RUBCN: variants seen among roughly 807,000 people sequenced by gnomAD.
RUBCN encodes the protein rubicon autophagy regulator.
A neutral mutation model predicts 113.2 loss-of-function variants in RUBCN; 74 were observed. The observed-to-expected ratio is 0.65, with a 90% CI of 0.54 to 0.79. RUBCN has a LOEUF of 0.79. RUBCN is among the 30% of genes least tolerant of loss of function. RUBCN has a pLI of 0.00. For missense variants in RUBCN, 1,109 were observed against 1,251.7 expected (o/e 0.89, Z 1.72); for synonymous variants, 480 against 490.0 (o/e 0.98, Z 0.27).
intron 1 of RUBCN, among the ~76,000 whole-genome samples, chr3:197,719,911 T>G (rs1375005656): frequency 6.6e-6 from 1 of 152,188 alleles, no homozygotes; most frequent in East Asian, 1.9e-4. Flanking sequence ...ACCTTAAATA[T>G]TTATCATTTC....
intron 1 of RUBCN, among the ~76,000 whole-genome samples, chr3:197,726,217 C>G (rs1356132754): frequency 1.3e-5 from 2 of 152,044 alleles, no homozygotes; most frequent in African/African-American, 2.4e-5. Flanking sequence ...TCTTCTATTT[C>G]TTTTGTATTT....
chr3:197,670,937 G>C lies in RUBCN; in HGVS notation c.*4081C>G, dbSNP rs1161115358. Among the ~76,000 whole-genome samples, 1 of 152,194 alleles carries C rather than the reference G, an allele frequency of 6.6e-6. No homozygotes were observed. The highest frequency in any genetic ancestry group is 2.4e-5 in the African/African-American group (1 of 41,434). ...ATGAGGACACGCTCACTACTGCAGA[G>C]ACTTGGTGAGCACTAAGAGGGGAGG... On this transcript the variant is annotated 3_prime_UTR_variant, in exon 20 of 20. Coordinates refer to ENST00000296343, the MANE Select transcript of RUBCN (RefSeq NM_014687.4).
exon 1 of RUBCN, chr3:197,749,658 C>A (rs1438444076): frequency 1.3e-6 from 1 of 789,742 alleles, no homozygotes; most frequent in East Asian, 4.6e-5. Context: ...GAGGTGCCCG[C>A]GGTCTAGCAT....
intron 18 of RUBCN, 87 bp downstream of exon 18, chr3:197,676,798 C>A: frequency 1.2e-6 from 2 of 1,605,506 alleles, no homozygotes; most frequent in Non-Finnish European, 8.5e-7. Context: ...CTTCCTCAAG[C>A]TAAGTGGCAA....
upstream of RUBCN, among the ~76,000 whole-genome samples, chr3:197,741,870 C>T (rs1728537562): frequency 6.6e-6 from 1 of 151,818 alleles, no homozygotes; most frequent in Non-Finnish European, 1.5e-5. Context: ...GGAACACTTG[C>T]CAGCCACGAA....
upstream of RUBCN, among the ~76,000 whole-genome samples, chr3:197,739,681 A>G (rs905234660): frequency 1.3e-5 from 2 of 152,318 alleles, no homozygotes; most frequent in African/African-American, 4.8e-5. Flanking sequence ...CCTGGAAGAC[A>G]GAGCTAGACC....
chr3:197,669,121 A>G lies in RUBCN; in HGVS notation c.*5897T>C, dbSNP rs1227891021. Among the ~76,000 whole-genome samples, 1 of 152,208 alleles carries G rather than the reference A, an allele frequency of 6.6e-6. No individual in the cohort carries two copies. The highest frequency in any genetic ancestry group is 1.5e-5 in the Non-Finnish European group (1 of 68,044). On this transcript the variant is annotated 3_prime_UTR_variant, in exon 20 of 20. Transcript: ENST00000296343. ...CAGTAAAGTTGCAAAGATAGTACAA[A>G]TTCGTCACATAGCCCTCACCCGATT...
At chr3:197,743,852 C>T (rs1232394936) in intron 1 of RUBCN, among the ~76,000 whole-genome samples, 4 of 151,948 alleles carry the variant, frequency 2.6e-5, no homozygotes, top group Admixed American at 6.6e-5. Flanking sequence ...GGCGTGGTGG[C>T]GAGCGCCTGT....
rs1720177459 is a variant in RUBCN, at chr3:197,674,940, G to A, written c.*78C>T. 5 of 1,302,180 alleles carry A rather than the reference G, an allele frequency of 3.8e-6. No homozygotes were observed. In the East Asian group the frequency reaches 1.2e-4, roughly 32 times the overall value. The allele number at this position is 1,302,180 out of a possible 1,614,324, so 80.7% of individuals were successfully genotyped here. On this transcript the variant is annotated 3_prime_UTR_variant, in exon 20 of 20. Coordinates refer to ENST00000296343, the MANE Select transcript of RUBCN (RefSeq NM_014687.4). Reference sequence around the variant, plus strand: ...AAAAAAAAAAAAAGAAGCCCCAGGTGGGGCGAGTCCTTCAAAGAGTGGCTC... The same window carrying A: ...AAAAAAAAAAAAAGAAGCCCCAGGTAGGGCGAGTCCTTCAAAGAGTGGCTC...
Position 197,674,853 on chromosome 3 carries a change from A to AAGTG in RUBCN, c.*164_*165insCACT. 1 of 600,546 alleles carries AAGTG rather than the reference A, an allele frequency of 1.7e-6. No homozygotes were observed. 37.2% of individuals were successfully genotyped at this position (600,546 alleles called of 1,614,324 possible). A position where few individuals can be genotyped will look rare whatever the true frequency, so the allele number is the denominator to read the frequency against. Reference sequence around the variant, plus strand: ...GGACCCATCAACCTGCCGACGGCTGACTGCACACAGACGTCAGACAAGTCA... The same window carrying AAGTG: ...GGACCCATCAACCTGCCGACGGCTGAAGTGCTGCACACAGACGTCAGACAAGTCA... On this transcript the variant is annotated 3_prime_UTR_variant, in exon 20 of 20. Coordinates refer to ENST00000296343, the MANE Select transcript of RUBCN (RefSeq NM_014687.4).
At chr3:197,721,462 TTC>T (rs1200350699) in intron 1 of RUBCN, among the ~76,000 whole-genome samples, 1 of 152,170 alleles carries the variant, frequency 6.6e-6, no homozygotes, top group African/African-American at 2.4e-5. Context: ...TGTCTCCTTT[TTC>T]TCTCTGATTT....
At chr3:197,695,778 C>CA (rs1560426685) in intron 9 of RUBCN, 88 bp downstream of exon 9, 4 of 1,222,108 alleles carry the variant, frequency 3.3e-6, no homozygotes, top group Non-Finnish European at 4.8e-6. Flanking sequence ...AATCTATACC[C>CA]AAAACCTCAT....
Position 197,681,006 on chromosome 3 carries a change from G to GGGAGGGGACGGGGGGAGGGGACAAGA in RUBCN, c.2430+122_2430+123insTCTTGTCCCCTCCCCCCGTCCCCTCC. On this transcript the variant is annotated intron_variant, in intron 16 of 19. Transcript: ENST00000296343. This position sits in a 1 kb window ranked among gnomAD's most constrained non-coding sequence, Gnocchi z 5.5. ...GGAGGGGACAAGGAGAGGAGACGAG[G>GGGAGGGGACGGGGGGAGGGGACAAGA]GGAGGGGATGGGGGGAGGGGACAAG... 4 of 645,496 alleles carry GGGAGGGGACGGGGGGAGGGGACAAGA rather than the reference G, an allele frequency of 6.2e-6. No homozygotes were observed. In the Admixed American group the frequency reaches 6.4e-5, roughly 10 times the overall value. 40.0% of individuals were successfully genotyped at this position (645,496 alleles called of 1,614,324 possible). A position where few individuals can be genotyped will look rare whatever the true frequency, so the allele number is the denominator to read the frequency against.
upstream of RUBCN, among the ~76,000 whole-genome samples, chr3:197,741,226 T>C (rs1728512931): frequency 1.3e-5 from 2 of 152,198 alleles, no homozygotes; most frequent in African/African-American, 4.8e-5. Context: ...ACATGGAAAT[T>C]TTTAATCTTG....
chr3:197,736,924 G>C, upstream of RUBCN: 1 of 1,353,518 alleles, frequency 7.4e-7, no homozygotes, highest in South Asian at 1.8e-5. Flanking sequence ...CGGCTCCGGG[G>C]ACTACAGCCC....
At chr3:197,747,315 C>A (rs554746008) in intron 1 of RUBCN, among the ~76,000 whole-genome samples, 1 of 152,046 alleles carries the variant, frequency 6.6e-6, no homozygotes, top group African/African-American at 2.4e-5. Flanking sequence ...TCAAATACTG[C>A]AGCATGGCCT....
chr3:197,703,397 CAAAAAAAAA>C (rs1165064210), intron 5 of RUBCN, 142 bp downstream of exon 5: 121 of 155,788 alleles, frequency 7.8e-4, no homozygotes, highest in African/African-American at 3.1e-3. Flanking sequence ...GACTCTGTCT[CAAAAAAAAA>C]AAAAAAAAAA....
At chr3:197,719,893 TATCC>T (rs1273123660) in intron 1 of RUBCN, among the ~76,000 whole-genome samples, 6 of 152,232 alleles carry the variant, frequency 3.9e-5, no homozygotes, top group Admixed American at 6.5e-5. Flanking sequence ...GTAATTAGCA[TATCC>T]ATCACCTTAA....
At chr3:197,714,420 A>C (rs1725292014) in intron 2 of RUBCN, among the ~76,000 whole-genome samples, 1 of 152,140 alleles carries the variant, frequency 6.6e-6, no homozygotes, top group Non-Finnish European at 1.5e-5. Flanking sequence ...TCCCAGGCTT[A>C]AGCAATCTTC....
Sources: gnomAD v4.1 joint callset for allele counts (sites outside exome capture counted in the v4.1 genomes callset) on GRCh38, gnomAD v4.1.1 for gene constraint, Gnocchi (gnomAD v3.1) non-coding constraint, MANE v1.5 for transcripts, NCBI Gene and HGNC (gene_info 2026-07-23, HGNC 2026-07-21) for gene names.